The following RANBP2 variants were observed in gnomAD, a reference collection of about 807,000 sequenced individuals.
RANBP2 encodes the protein RAN binding protein 2.
Under a neutral mutation model 303.6 loss-of-function variants are expected in RANBP2, and 57 were observed. That is an observed-to-expected ratio of 0.19 (90% CI 0.15 to 0.23). RANBP2 has a LOEUF of 0.23. RANBP2 is among the 10% of genes least tolerant of loss of function. The pLI is 1.00. For missense variants in RANBP2, 3,138 were observed against 3,780.8 expected (o/e 0.83, Z 4.46); for synonymous variants, 1,167 against 1,301.5 (o/e 0.90, Z 2.23).
chr2:108,957,474 G>A, the RANBP2 span, among the ~76,000 whole-genome samples: 3 of 152,314 alleles, frequency 2.0e-5, no homozygotes, highest in Non-Finnish European at 2.9e-5. Flanking sequence ...AAGTGGCCCC[G>A]GGCTCATGGA....
the RANBP2 span, among the ~76,000 whole-genome samples, chr2:108,894,238 G>A: frequency 6.6e-6 from 1 of 152,152 alleles, no homozygotes; most frequent in African/African-American, 2.4e-5. Context: ...ATGGCAACTT[G>A]GAAAGCAATG....
At chr2:109,511,273 G>A in the RANBP2 span, among the ~76,000 whole-genome samples, 1 of 152,176 alleles carries the variant, frequency 6.6e-6, no homozygotes, top group Non-Finnish European at 1.5e-5. Context: ...CCTGAAGCCT[G>A]ACTCGGGACT....
chr2:109,650,692 T>C, the RANBP2 span, among the ~76,000 whole-genome samples: 2 of 152,142 alleles, frequency 1.3e-5, no homozygotes, highest in Non-Finnish European at 2.9e-5. Context: ...AGTGAAGAAG[T>C]CTCATGAAAT....
chr2:109,037,422 C>T, the RANBP2 span, among the ~76,000 whole-genome samples: 1 of 151,788 alleles, frequency 6.6e-6, no homozygotes, highest in South Asian at 2.1e-4. Flanking sequence ...CTGTTCTCAC[C>T]ACTCTAATTC....
At chr2:109,601,166 T>C in the RANBP2 span, among the ~76,000 whole-genome samples, 1 of 152,184 alleles carries the variant, frequency 6.6e-6, no homozygotes, top group Non-Finnish European at 1.5e-5. Flanking sequence ...CCTCTCCCTT[T>C]CCTAGAGACT....
At chr2:109,602,649 T>C in the RANBP2 span, among the ~76,000 whole-genome samples, 1 of 143,838 alleles carries the variant, frequency 7.0e-6, no homozygotes, top group Non-Finnish European at 1.5e-5. Context: ...CACTCCAGCC[T>C]GGGCAACAAA....
At chr2:109,008,590 TAAAA>T in the RANBP2 span, among the ~76,000 whole-genome samples, 73,255 of 145,316 alleles carry the variant, frequency 0.5, 19,651 homozygotes, top group South Asian at 0.67. Flanking sequence ...AAGAAAAGGG[TAAAA>T]AAAAAAAAAA....
chr2:108,804,690 T>A, the RANBP2 span, among the ~76,000 whole-genome samples: 1 of 152,208 alleles, frequency 6.6e-6, no homozygotes, highest in Non-Finnish European at 1.5e-5. Flanking sequence ...TGTAAATGCC[T>A]TTGATGTTTT....
chr2:109,710,415 A>G, the RANBP2 span, among the ~76,000 whole-genome samples: 4 of 151,560 alleles, frequency 2.6e-5, no homozygotes, highest in Non-Finnish European at 5.9e-5. Flanking sequence ...TCTATCAGTT[A>G]TATGTGGATT....
At chr2:109,453,626 G>A in the RANBP2 span, among the ~76,000 whole-genome samples, 2 of 152,202 alleles carry the variant, frequency 1.3e-5, no homozygotes. Context: ...ACTCATCTGT[G>A]TATTGCAAAG....
the RANBP2 span, among the ~76,000 whole-genome samples, chr2:108,911,973 G>C: frequency 1.3e-5 from 2 of 152,194 alleles, no homozygotes; most frequent in African/African-American, 4.8e-5. Flanking sequence ...CGTGTTTTGA[G>C]CTACTCCCCC....
chr2:109,419,411 T>C, the RANBP2 span: 3 of 955,434 alleles, frequency 3.1e-6, no homozygotes, highest in Non-Finnish European at 4.7e-6. Flanking sequence ...GCACAGCACG[T>C]TGGAGGCCAA....
At chr2:108,798,585 A>T in the RANBP2 span, 4 of 1,599,290 alleles carry the variant, frequency 2.5e-6, no homozygotes, top group Non-Finnish European at 3.4e-6. Context: ...ATTATAAAAG[A>T]GGTAACTATA....
chr2:108,990,419 C>G, the RANBP2 span, among the ~76,000 whole-genome samples: 1 of 122,448 alleles, frequency 8.2e-6, no homozygotes, highest in Non-Finnish European at 1.6e-5. Context: ...GCCTGGGTGA[C>G]AGAGCGAGAC....
the RANBP2 span, among the ~76,000 whole-genome samples, chr2:109,267,122 C>T: frequency 6.6e-6 from 1 of 152,098 alleles, no homozygotes; most frequent in Non-Finnish European, 1.5e-5. Context: ...GCTCAGTAAT[C>T]AGCCAGGGAG....
the RANBP2 span, among the ~76,000 whole-genome samples, chr2:109,567,463 C>T: frequency 0.018 from 2,720 of 152,154 alleles, 74 homozygotes; most frequent in African/African-American, 0.061. Context: ...TTACAGCATG[C>T]AAAGGGAGGC....
the RANBP2 span, among the ~76,000 whole-genome samples, chr2:109,589,292 G>C: frequency 1.3e-5 from 2 of 152,078 alleles, no homozygotes; most frequent in East Asian, 3.9e-4. Flanking sequence ...CAGCACTTTA[G>C]GAGGCCAAGG....
chr2:109,248,887 T>G, the RANBP2 span, among the ~76,000 whole-genome samples: 17 of 145,846 alleles, frequency 1.2e-4, no homozygotes, highest in African/African-American at 4.4e-4. Flanking sequence ...TTCCTGTCCT[T>G]TCCTGTCCTG....
chr2:108,787,238 G>C (rs970773397), downstream of RANBP2, among the ~76,000 whole-genome samples: 1 of 152,194 alleles, frequency 6.6e-6, no homozygotes, highest in Non-Finnish European at 1.5e-5. Flanking sequence ...TTTAAAAGCG[G>C]CTTATTTCGA....
Sources: gnomAD v4.1 joint callset for allele counts (sites outside exome capture counted in the v4.1 genomes callset) on GRCh38, gnomAD v4.1.1 for gene constraint, MANE v1.5 for transcripts, NCBI Gene and HGNC (gene_info 2026-07-23, HGNC 2026-07-21) for gene names.